Variants in CEACAM21 observed in about 807,000 individuals in gnomAD.
CEACAM21 encodes CEA cell adhesion molecule 21, also known as cell adhesion molecule CEACAM21.
In CEACAM21, 38 loss-of-function variants were observed where a neutral mutation model predicts 33.2. The observed-to-expected ratio is 1.14, with a 90% CI of 0.88 to 1.50. The LOEUF (loss-of-function observed/expected upper bound fraction) is 1.50. Among genes scored for constraint, CEACAM21 ranks in the 40% most tolerant of loss-of-function variants. CEACAM21 has a pLI of 0.00. For missense variants in CEACAM21, 385 were observed against 364.6 expected, an observed-to-expected ratio of 1.06 and a Z score of -0.46; for synonymous variants, 156 against 143.0, an observed-to-expected ratio of 1.09 and a Z score of -0.65.
intron 2 of CEACAM21, among the ~76,000 whole-genome samples, chr19:41,566,965 A>G (rs1198918016): frequency 6.6e-6 from 1 of 152,192 alleles, no homozygotes; most frequent in East Asian, 1.9e-4. Flanking sequence ...TTCTCTGAAT[A>G]ATTTTAAAAT....
chr19:41,565,661 A>T (rs1437101272), intron 2 of CEACAM21: 2 of 151,888 alleles, frequency 1.3e-5, no homozygotes, highest in Non-Finnish European at 2.9e-5. Context: ...TTTTTTAAGA[A>T]GAAAAATACA....
At chr19:41,558,821 C>T (rs1054504660) in intron 1 of CEACAM21, among the ~76,000 whole-genome samples, 2 of 152,136 alleles carry the variant, frequency 1.3e-5, no homozygotes, top group African/African-American at 4.8e-5. Context: ...TAAACTTAAA[C>T]GATGTATTAA....
rs191036516 is a variant in CEACAM21, at chr19:41,558,165, G to A, written c.-778-6517G>A. 6.6e-5 allele frequency among the ~76,000 whole-genome samples: 10 copies of A among 152,114 alleles called. No homozygotes were observed. In the East Asian group the frequency reaches 1.2e-3, roughly 18 times the overall value. On this transcript the variant is annotated intron_variant, in intron 1 of 7. Transcript: ENST00000407170. ...TATGCTCAAAGTTAAGCTAAGTTTC[G>A]TGGAAAACAGAAAACAAAATGCTTC...
At chr19:41,563,515 C>T (rs1433841945) in intron 1 of CEACAM21, among the ~76,000 whole-genome samples, 1 of 152,240 alleles carries the variant, frequency 6.6e-6, no homozygotes, top group African/African-American at 2.4e-5. Flanking sequence ...CGCAAGGTCG[C>T]ACATGCAGAA....
chr19:41,558,810 ATAAACT>A (rs1446586030), intron 1 of CEACAM21, among the ~76,000 whole-genome samples: 1 of 152,268 alleles, frequency 6.6e-6, no homozygotes, highest in Non-Finnish European at 1.5e-5. Flanking sequence ...ATAATTAATC[ATAAACT>A]TAAACGATGT....
upstream of CEACAM21, among the ~76,000 whole-genome samples, chr19:41,574,060 G>A (rs1555790229): frequency 1.3e-5 from 2 of 152,172 alleles, no homozygotes; most frequent in Non-Finnish European, 2.9e-5. Context: ...ACAGCCCATT[G>A]GTTTTTGACA....
chr19:41,551,847 C>T (rs1423565229), intron 1 of CEACAM21: 1 of 151,976 alleles, frequency 6.6e-6, no homozygotes. Flanking sequence ...GGGAGGAAGC[C>T]TTCAAGGGCC....
intron 1 of CEACAM21, among the ~76,000 whole-genome samples, chr19:41,557,702 C>T (rs1381275366): frequency 6.6e-6 from 1 of 152,242 alleles, no homozygotes; most frequent in Non-Finnish European, 1.5e-5. Flanking sequence ...AGCATGTTTA[C>T]ATTGCAAGTG....
Position 41,585,849 on chromosome 19 carries a change from C to G in CEACAM21, c.860C>G (p.Pro287Arg). 6.2e-7 allele frequency: 1 copy of G among 1,612,934 alleles called. No individual in the cohort carries two copies. The highest frequency in any genetic ancestry group is 1.1e-5 in the South Asian group (1 of 90,682). Residue 287 changes from proline to arginine, a missense_variant, in exon 6 of 7, where the codon CCC becomes CGC. Transcript: ENST00000401445. Reference protein sequence around the residue: ...QPPASTPGHGPSDSSIS With the variant: ...QPPASTPGHGRSDSSIS ...TTGTCTCTGTCCCCAGGCCATGGAC[C>G]CTCTGACAGCTCCATCTCCTAGGTA...
chr19:41,561,413 A>G (rs2041874016), intron 1 of CEACAM21, among the ~76,000 whole-genome samples: 1 of 151,042 alleles, frequency 6.6e-6, no homozygotes, highest in African/African-American at 2.4e-5. Flanking sequence ...ACAATAACTA[A>G]CAGACCATAA....
At chr19:41,579,203 C>A in intron 2 of CEACAM21, 150 bp from the exon 3 acceptor site, 1 of 1,297,350 alleles carries the variant, frequency 7.7e-7, no homozygotes, top group East Asian at 2.5e-5. Context: ...CCCTACTGCT[C>A]GCTGCTATGG....
intron 1 of CEACAM21, among the ~76,000 whole-genome samples, chr19:41,561,921 A>T (rs1276109099): frequency 1.3e-5 from 2 of 152,244 alleles, no homozygotes; most frequent in African/African-American, 4.8e-5. Context: ...AATATGATAC[A>T]TTCTATTATA....
intron 6 of CEACAM21, 188 bp downstream of exon 6, chr19:41,586,059 A>C (rs1462804347): frequency 1.6e-6 from 1 of 634,140 alleles, no homozygotes; most frequent in Non-Finnish European, 2.8e-6. Flanking sequence ...TGCTAACCCC[A>C]CCCTGGGACC....
intron 1 of CEACAM21, 95 bp downstream of exon 1, chr19:41,576,433 G>A (rs2042952503): frequency 2.9e-6 from 4 of 1,360,138 alleles, no homozygotes; most frequent in Non-Finnish European, 4.0e-6. Context: ...AGGAGACAGA[G>A]GGCTTTTGTT....
chr19:41,580,849 C>T (rs1416261044), intron 3 of CEACAM21, among the ~76,000 whole-genome samples: 2 of 152,224 alleles, frequency 1.3e-5, no homozygotes, highest in Non-Finnish European at 2.9e-5. Context: ...CTCCAGGTCC[C>T]TCCCCAGGGA....
chr19:41,574,788 CA>C (rs1555790453), upstream of CEACAM21, among the ~76,000 whole-genome samples: 1 of 152,150 alleles, frequency 6.6e-6, no homozygotes, highest in African/African-American at 2.4e-5. Context: ...GGCTGTTTCT[CA>C]AAAACTTAAA....
Position 41,556,202 on chromosome 19 carries a change from G to A in CEACAM21, c.-779+6650G>A, listed in dbSNP as rs931986114. ...AAGGAAGGTAAAGAAGGGAAAAGAA[G>A]AAGTACATGGGAGAGGAATTCCTTT... On this transcript the variant is annotated intron_variant, in intron 1 of 7. Transcript: ENST00000407170. Among the ~76,000 whole-genome samples, 11 of 152,380 alleles carry A rather than the reference G, an allele frequency of 7.2e-5. No individual in the cohort carries two copies. In the East Asian group the frequency reaches 1.7e-3, roughly 24 times the overall value.
chr19:41,550,287 T>C (rs1418530493), intron 1 of CEACAM21: 1 of 152,238 alleles, frequency 6.6e-6, no homozygotes, highest in Non-Finnish European at 1.5e-5. Flanking sequence ...AAAAGAATGA[T>C]GAAATGTGAA....
upstream of CEACAM21, among the ~76,000 whole-genome samples, chr19:41,574,592 A>C (rs1468641978): frequency 2.6e-5 from 4 of 152,218 alleles, no homozygotes; most frequent in African/African-American, 9.7e-5. Context: ...AAAAATGCTC[A>C]ACTTCATCAG....
Sources: gnomAD v4.1 joint callset for allele counts (sites outside exome capture counted in the v4.1 genomes callset) on GRCh38, gnomAD v4.1.1 for gene constraint, MANE v1.5 for transcripts, NCBI Gene and HGNC (gene_info 2026-07-23, HGNC 2026-07-21) for gene names.